The following PRRX1 variants were observed in gnomAD, a reference collection of about 807,000 sequenced individuals.
PRRX1 encodes paired mesoderm homeobox protein 1.
In PRRX1, 8 loss-of-function variants were observed where a neutral mutation model predicts 24.0. That is an observed-to-expected ratio of 0.33 (90% CI 0.20 to 0.60). The LOEUF is 0.60. PRRX1 is among the 20% of genes least tolerant of loss of function. PRRX1 has a pLI of 0.82. For missense variants in PRRX1, 281 were observed against 322.4 expected, an observed-to-expected ratio of 0.87 and a Z score of 0.98; for synonymous variants, 160 against 131.7, an observed-to-expected ratio of 1.22 and a Z score of -1.47.
At chr1:170,702,980 A>C (rs1169574284) in intron 1 of PRRX1, among the ~76,000 whole-genome samples, 3 of 152,200 alleles carry the variant, frequency 2.0e-5, no homozygotes, top group African/African-American at 7.2e-5. Context: ...GAACAGAAAT[A>C]TCTTGCAGGC....
intron 3 of PRRX1, among the ~76,000 whole-genome samples, chr1:170,732,554 CA>C (rs1655467126): frequency 6.6e-6 from 1 of 152,114 alleles, no homozygotes; most frequent in African/African-American, 2.4e-5. Context: ...ACCCTTAGCT[CA>C]AATTGAGAAG....
intron 1 of PRRX1, among the ~76,000 whole-genome samples, chr1:170,705,782 A>G (rs941531722): frequency 6.6e-6 from 1 of 152,128 alleles, no homozygotes; most frequent in Non-Finnish European, 1.5e-5. Flanking sequence ...TCAAACAAGT[A>G]AAACTTTTGC....
At chr1:170,672,879 C>T (rs965981045) in intron 1 of PRRX1, among the ~76,000 whole-genome samples, 5 of 152,114 alleles carry the variant, frequency 3.3e-5, no homozygotes, top group Non-Finnish European at 7.3e-5. Flanking sequence ...GGCTCCTGTC[C>T]TTGTCTACTC....
chr1:170,719,089 A>G (rs1655000073), intron 1 of PRRX1, among the ~76,000 whole-genome samples: 1 of 152,146 alleles, frequency 6.6e-6, no homozygotes, highest in Non-Finnish European at 1.5e-5. Flanking sequence ...GGTTGATGGC[A>G]TTGTAGCACT....
intron 3 of PRRX1, among the ~76,000 whole-genome samples, 166 bp from the exon 4 acceptor site, chr1:170,735,882 T>C (rs1655584650): frequency 6.6e-6 from 1 of 152,176 alleles, no homozygotes; most frequent in South Asian, 2.1e-4. Flanking sequence ...CTAAGTACCT[T>C]AGACGAATGG....
intron 1 of PRRX1, among the ~76,000 whole-genome samples, chr1:170,707,022 G>A (rs1303094868): frequency 6.6e-6 from 1 of 152,098 alleles, no homozygotes; most frequent in African/African-American, 2.4e-5. Flanking sequence ...CTACTGGGGA[G>A]GCTGAGGCAG....
intron 1 of PRRX1, among the ~76,000 whole-genome samples, chr1:170,714,584 G>A (rs558229777): frequency 9.9e-5 from 15 of 152,142 alleles, no homozygotes; most frequent in African/African-American, 2.9e-4. Flanking sequence ...TTTAAATTAC[G>A]TTTGGCTGAC....
intron 2 of PRRX1, among the ~76,000 whole-genome samples, chr1:170,721,720 C>A (rs914997794): frequency 6.6e-6 from 1 of 152,186 alleles, no homozygotes; most frequent in Non-Finnish European, 1.5e-5. Context: ...CTCTCCCATT[C>A]GCCATCCAGT....
chr1:170,673,754 G>T (rs1446062333), intron 1 of PRRX1, among the ~76,000 whole-genome samples: 1 of 152,160 alleles, frequency 6.6e-6, no homozygotes, highest in Non-Finnish European at 1.5e-5. Context: ...GTGGATGCAA[G>T]ACTTATGCAC....
At chr1:170,728,635 T>C (rs1477903307) in intron 3 of PRRX1, 11 of 152,228 alleles carry the variant, frequency 7.2e-5, no homozygotes, top group Non-Finnish European at 1.5e-5. Context: ...TCATATTCTG[T>C]ATGAAGAATA....
intron 2 of PRRX1, chr1:170,722,639 T>C (rs1184859486): frequency 6.6e-6 from 1 of 152,248 alleles, no homozygotes; most frequent in Non-Finnish European, 1.5e-5. Context: ...TATTAGGCAC[T>C]AATTCTGGGC....
intron 1 of PRRX1, among the ~76,000 whole-genome samples, chr1:170,715,250 T>G (rs1367250114): frequency 6.6e-6 from 1 of 152,278 alleles, no homozygotes; most frequent in Middle Eastern, 3.4e-3. Flanking sequence ...AATTACTCAG[T>G]CCTTTAAAAC....
At chr1:170,702,758 T>C (rs1654431008) in intron 1 of PRRX1, among the ~76,000 whole-genome samples, 1 of 152,192 alleles carries the variant, frequency 6.6e-6, no homozygotes, top group African/African-American at 2.4e-5. Context: ...AATGTGGGTC[T>C]CCCATAAATG....
At chr1:170,666,900 G>C (rs974319081) in intron 1 of PRRX1, among the ~76,000 whole-genome samples, 1 of 152,094 alleles carries the variant, frequency 6.6e-6, no homozygotes, top group South Asian at 2.1e-4. Context: ...ATTCGGAGGC[G>C]ACGCGCGGTG....
Position 170,737,812 on chromosome 1 carries a change from C to T in PRRX1, c.*1626C>T, listed in dbSNP as rs1392887667. Reference sequence around the variant, plus strand: ...AAATGGGATTAATAATACTTACCTACCTCACAGGGGTGTTGTGAGGCTCTA... The same window carrying T: ...AAATGGGATTAATAATACTTACCTATCTCACAGGGGTGTTGTGAGGCTCTA... On this transcript the variant is annotated 3_prime_UTR_variant, in exon 4 of 4. Transcript: ENST00000239461. 3 of 216,064 alleles carry T rather than the reference C, an allele frequency of 1.4e-5. No homozygotes were observed. Among genetic ancestry groups the T allele is most frequent in the Non-Finnish European group, 2.8e-5 (3 of 106,894 alleles). 13.4% of individuals were successfully genotyped at this position (216,064 alleles called of 1,614,324 possible).
At chr1:170,710,132 G>T (rs1470492116) in intron 1 of PRRX1, among the ~76,000 whole-genome samples, 1 of 152,012 alleles carries the variant, frequency 6.6e-6, no homozygotes, top group Non-Finnish European at 1.5e-5. Flanking sequence ...CTCAGGCCTG[G>T]TAATTACATT....
chr1:170,692,612 T>A (rs1385567960), intron 1 of PRRX1, among the ~76,000 whole-genome samples: 1 of 148,900 alleles, frequency 6.7e-6, no homozygotes, highest in African/African-American at 2.5e-5. Context: ...TTTTTCAAGA[T>A]AGGAAGTAAT....
chr1:170,665,768 C>CTTCA (rs1199911462), intron 1 of PRRX1, among the ~76,000 whole-genome samples: 6 of 152,252 alleles, frequency 3.9e-5, no homozygotes, highest in Non-Finnish European at 7.3e-5. Flanking sequence ...GACGCCTGGT[C>CTTCA]TTCACCCTGC....
rs148248771 is a variant in PRRX1, at chr1:170,692,662, G to A, written c.242-27064G>A. ...ATTGGGGATTAAAATGGGTCAAATA[G>A]AGAATCTTCATGGAAATAAGTGGAA... On this transcript the variant is annotated intron_variant, in intron 1 of 3. Transcript: ENST00000239461. Among the ~76,000 whole-genome samples, 657 of 148,328 alleles carry A rather than the reference G, an allele frequency of 4.4e-3. 7 individuals are homozygous for A. The highest frequency in any genetic ancestry group is 0.014 in the African/African-American group (553 of 40,290).
Sources: allele counts gnomAD v4.1 joint callset (sites outside exome capture counted in the v4.1 genomes callset), GRCh38; gene constraint gnomAD v4.1.1; transcripts MANE v1.5; gene names NCBI Gene and HGNC (gene_info 2026-07-23, HGNC 2026-07-21).